PDE4D: variants seen among roughly 807,000 people sequenced by gnomAD.
PDE4D encodes phosphodiesterase 4D, also known as 3',5'-cyclic-AMP phosphodiesterase 4D.
A neutral mutation model predicts 87.4 loss-of-function variants in PDE4D; 24 were observed. The observed-to-expected ratio is 0.27, with a 90% confidence interval of 0.20 to 0.39. The LOEUF (loss-of-function observed/expected upper bound fraction) is 0.39. PDE4D is among the 10% of genes least tolerant of loss of function. The pLI is 1.00. For synonymous variants in PDE4D, 384 were observed against 383.2 expected, an observed-to-expected ratio of 1.00 and a Z score of -0.02; for missense variants, 714 against 1,041.0, an observed-to-expected ratio of 0.69 and a Z score of 4.32.
chr5:59,495,438 T>C (rs969060311), intron 1 of PDE4D, among the ~76,000 whole-genome samples: 1 of 152,170 alleles, frequency 6.6e-6, no homozygotes, highest in Non-Finnish European at 1.5e-5. Flanking sequence ...TCAATCTCCA[T>C]GTCTCCATTC....
At chr5:59,448,225 A>G (rs1392105799) in intron 1 of PDE4D, among the ~76,000 whole-genome samples, 1 of 152,172 alleles carries the variant, frequency 6.6e-6, no homozygotes, top group African/African-American at 2.4e-5. Context: ...TTTTGACAAT[A>G]AGCTTTAAGA....
intron 1 of PDE4D, among the ~76,000 whole-genome samples, chr5:59,504,966 G>A (rs1459432615): frequency 6.6e-6 from 1 of 151,880 alleles, no homozygotes; most frequent in Non-Finnish European, 1.5e-5. Context: ...GTGTATGTGT[G>A]TGTGTGAAAG....
intron 1 of PDE4D, among the ~76,000 whole-genome samples, chr5:59,491,165 C>A (rs1029056474): frequency 6.6e-6 from 1 of 152,044 alleles, no homozygotes; most frequent in Non-Finnish European, 1.5e-5. Context: ...TTTTATATTG[C>A]CCTGTGCACT....
intron 2 of PDE4D, among the ~76,000 whole-genome samples, chr5:60,114,670 A>G (rs558531862): frequency 6.6e-6 from 1 of 152,236 alleles, no homozygotes; most frequent in South Asian, 2.1e-4. Flanking sequence ...TTTGCTTTAC[A>G]TGAAGTAAAA....
rs200589779 is a variant in PDE4D at position 59,185,144 on chromosome 5, T to C, written c.758+45A>G. The C allele has an allele frequency of 2.7e-4, 408 of 1,484,952 alleles. 2 individuals are homozygous for C. The African/African-American group carries it at 5.3e-3, about 19-fold the overall frequency. The allele number at this position is 1,484,952 out of a possible 1,614,324, so 92.0% of individuals were successfully genotyped here. ...GGCTCAATCAAGTTGAGAAAACTTA[T>C]TTAAAAGTTCAGCAAAAAAGAGGGG... On this transcript the variant is annotated intron_variant, in intron 4 of 14. Transcript: ENST00000340635.
chr5:59,729,564 T>G (rs7719147), intron 1 of PDE4D, among the ~76,000 whole-genome samples: 71,323 of 151,786 alleles, frequency 0.47, 19,372 homozygotes, highest in African/African-American at 0.75. Flanking sequence ...AAATTGCAAA[T>G]TCCAGAAACA....
intron 1 of PDE4D, among the ~76,000 whole-genome samples, chr5:59,760,508 G>A (rs1434594098): frequency 1.3e-5 from 2 of 151,950 alleles, no homozygotes; most frequent in African/African-American, 4.8e-5. Context: ...ACCTAATTTC[G>A]CTTATATACA....
intron 1 of PDE4D, among the ~76,000 whole-genome samples, chr5:59,404,855 C>G (rs758408199): frequency 6.6e-6 from 1 of 152,124 alleles, no homozygotes; most frequent in Non-Finnish European, 1.5e-5. Context: ...TTTCCCAGAA[C>G]CATTTATTGA....
chr5:60,311,459 G>A (rs1051807429), intron 1 of PDE4D, among the ~76,000 whole-genome samples: 3 of 152,152 alleles, frequency 2.0e-5, no homozygotes, highest in African/African-American at 4.8e-5. Context: ...TTCATATCTG[G>A]CTAAATTAAG....
chr5:59,523,592 A>C (rs948875219), intron 1 of PDE4D, among the ~76,000 whole-genome samples: 1 of 152,226 alleles, frequency 6.6e-6, no homozygotes, highest in Non-Finnish European at 1.5e-5. Context: ...AGTAGAAAAA[A>C]AAGCTGCCCC....
chr5:59,565,705 G>C (rs996500362), intron 1 of PDE4D, among the ~76,000 whole-genome samples: 1 of 152,182 alleles, frequency 6.6e-6, no homozygotes, highest in Non-Finnish European at 1.5e-5. Flanking sequence ...AAAGCAACTG[G>C]GCAAGGAAGT....
chr5:59,780,462 T>C (rs1343599329), intron 1 of PDE4D, among the ~76,000 whole-genome samples: 1 of 152,242 alleles, frequency 6.6e-6, no homozygotes, highest in Non-Finnish European at 1.5e-5. Flanking sequence ...CTACACATTA[T>C]AGAAGGGTTT....
chr5:59,886,887 T>C (rs933802236), intron 1 of PDE4D, among the ~76,000 whole-genome samples: 4 of 151,756 alleles, frequency 2.6e-5, no homozygotes, highest in African/African-American at 4.8e-5. Context: ...TACCTTAAGA[T>C]TTAGAAGATG....
chr5:59,966,488 G>C (rs1380497537), intron 3 of PDE4D, among the ~76,000 whole-genome samples: 1 of 152,134 alleles, frequency 6.6e-6, no homozygotes, highest in African/African-American at 2.4e-5. Context: ...CATACAAAAT[G>C]CTGCAACATA....
intron 1 of PDE4D, among the ~76,000 whole-genome samples, chr5:59,308,782 A>G (rs932012663): frequency 1.3e-5 from 2 of 151,860 alleles, no homozygotes; most frequent in African/African-American, 2.4e-5. Flanking sequence ...CAGCTGTGGT[A>G]GTATGGGGAG....
chr5:59,157,053 G>T (rs1471645676), intron 5 of PDE4D: 10 of 319,180 alleles, frequency 3.1e-5, no homozygotes, highest in Non-Finnish European at 3.4e-5. Context: ...CATGTATGTT[G>T]TTTTTTCCCG....
At position 59,649,904 on chromosome 5, in the gene PDE4D, C is replaced by CT. The variant is rs1561402852; in HGVS notation, c.455+243263_455+243264insA. ...TGTTAAAATGTTGATAGTTTGTGAA[C>CT]CTTTTTTTTTTTTTTTTTTTTTTTT... On this transcript the variant is annotated intron_variant, in intron 1 of 14. Transcript: ENST00000340635. Among the ~76,000 whole-genome samples the CT allele has an allele frequency of 2.5e-3, 185 of 73,974 alleles. 50 individuals are homozygous for CT. Among genetic ancestry groups the CT allele is most frequent in the Middle Eastern group, 0.017 (2 of 116 alleles). The allele number at this position is 73,974 out of a possible 152,430, so 48.5% of individuals were successfully genotyped here.
At position 59,352,716 on chromosome 5, in the gene PDE4D, A is replaced by G. The variant is rs1195700394; in HGVS notation, c.456-136748T>C. Among the ~76,000 whole-genome samples, 4 of 152,110 alleles carry G rather than the reference A, an allele frequency of 2.6e-5. No individual in the cohort carries two copies. The East Asian group carries it at 7.7e-4, about 29-fold the overall frequency. On this transcript the variant is annotated intron_variant, in intron 1 of 14. Coordinates refer to ENST00000340635, the MANE Select transcript of PDE4D (RefSeq NM_001104631.2). ...TCTAGATCTTCTTGTTTGGGCAAATATTGCTTTATCTTTTCATAGCCCAGA... is the reference window on the plus strand; with the variant it reads ...TCTAGATCTTCTTGTTTGGGCAAATGTTGCTTTATCTTTTCATAGCCCAGA...
At chr5:59,351,292 TCTC>T (rs1368659905) in intron 1 of PDE4D, among the ~76,000 whole-genome samples, 2 of 152,178 alleles carry the variant, frequency 1.3e-5, no homozygotes, top group Non-Finnish European at 2.9e-5. Flanking sequence ...GAGCCAAAGT[TCTC>T]CTCCTATACC....
Sources: allele counts gnomAD v4.1 joint callset (sites outside exome capture counted in the v4.1 genomes callset), GRCh38; gene constraint gnomAD v4.1.1; transcripts MANE v1.5; gene names NCBI Gene and HGNC (gene_info 2026-07-23, HGNC 2026-07-21).